Variants in WWTR1 observed in about 807,000 individuals in gnomAD.
The protein encoded by WWTR1 is WW domain containing transcription regulator 1.
Under a neutral mutation model 40.1 loss-of-function variants are expected in WWTR1, and 13 were observed. That is an observed-to-expected ratio of 0.32 (90% confidence interval 0.21 to 0.52). The LOEUF (loss-of-function observed/expected upper bound fraction) is 0.52. Ranked by LOEUF, WWTR1 falls within the 20% of genes least tolerant of loss-of-function variation. The pLI, the probability that WWTR1 is intolerant of heterozygous loss-of-function variation, is 0.97. For synonymous variants in WWTR1, 230 were observed against 210.1 expected, an observed-to-expected ratio of 1.09 and a Z score of -0.82; for missense variants, 436 against 523.1, an observed-to-expected ratio of 0.83 and a Z score of 1.63.
At chr3:149,613,746 C>T (rs1739842311) in intron 2 of WWTR1, among the ~76,000 whole-genome samples, 1 of 152,054 alleles carries the variant, frequency 6.6e-6, no homozygotes, top group Admixed American at 6.6e-5. Context: ...TGAGGTCTCA[C>T]TGTTGCCCAG....
At chr3:149,709,932 A>G (rs1715436350) in intron 5 of WWTR1, among the ~76,000 whole-genome samples, 1 of 152,196 alleles carries the variant, frequency 6.6e-6, no homozygotes, top group South Asian at 2.1e-4. Context: ...AAAAGAACTA[A>G]GGACAGTTGG....
upstream of WWTR1, among the ~76,000 whole-genome samples, chr3:149,704,720 A>G (rs1715284290): frequency 6.6e-6 from 1 of 152,196 alleles, no homozygotes; most frequent in South Asian, 2.1e-4. Flanking sequence ...TCTAAAGACA[A>G]AAGGTAACAA....
chr3:149,700,552 C>T (rs1299469269), intron 1 of WWTR1, among the ~76,000 whole-genome samples: 1 of 152,040 alleles, frequency 6.6e-6, no homozygotes, highest in Non-Finnish European at 1.5e-5. Flanking sequence ...TGAGTACATA[C>T]ACTAGCCTGC....
intron 5 of WWTR1, among the ~76,000 whole-genome samples, chr3:149,526,634 T>C (rs192382580): frequency 3.3e-5 from 5 of 152,332 alleles, no homozygotes; most frequent in African/African-American, 1.2e-4. Context: ...AATAAAACTA[T>C]GGCAAATCTG....
chr3:149,689,213 C>A (rs1056081290), intron 1 of WWTR1, among the ~76,000 whole-genome samples: 1 of 151,868 alleles, frequency 6.6e-6, no homozygotes, highest in African/African-American at 2.4e-5. Flanking sequence ...GAAACCCCAT[C>A]TCTCCAAAAC....
intron 3 of WWTR1, among the ~76,000 whole-genome samples, chr3:149,568,912 G>A (rs867385357): frequency 6.6e-6 from 1 of 152,106 alleles, no homozygotes; most frequent in Non-Finnish European, 1.5e-5. Context: ...GACTACAGGC[G>A]CCCGCCACCA....
intron 4 of WWTR1, among the ~76,000 whole-genome samples, chr3:149,529,100 T>C (rs553511671): frequency 6.6e-6 from 1 of 152,356 alleles, no homozygotes; most frequent in South Asian, 2.1e-4. Flanking sequence ...AGAATACTTT[T>C]GTATGTTTAC....
chr3:149,622,502 G>GAAGGAAGGAAGGAAGGAAGGAAGAAAGA (rs1553800283), intron 2 of WWTR1, among the ~76,000 whole-genome samples: 2 of 46,328 alleles, frequency 4.3e-5, no homozygotes, highest in Non-Finnish European at 8.6e-5. Context: ...AGGAAGGAAG[G>GAAGGAAGGAAGGAAGGAAGGAAGAAAGA]AAGAAAGAAA....
At chr3:149,681,941 A>G (rs1224865832) in intron 1 of WWTR1, among the ~76,000 whole-genome samples, 1 of 152,198 alleles carries the variant, frequency 6.6e-6, no homozygotes, top group East Asian at 1.9e-4. Context: ...TGTGAGATGA[A>G]TAAGTTCTAG....
intron 3 of WWTR1, among the ~76,000 whole-genome samples, chr3:149,550,691 T>G (rs541735952): frequency 9.1e-6 from 1 of 109,410 alleles, no homozygotes; most frequent in African/African-American, 3.8e-5. Flanking sequence ...AATGAGGGAC[T>G]GCTGTTCAAG....
At chr3:149,651,889 G>A (rs1194998730) in intron 2 of WWTR1, among the ~76,000 whole-genome samples, 3 of 149,406 alleles carry the variant, frequency 2.0e-5, no homozygotes, top group Non-Finnish European at 4.4e-5. Context: ...GAGTGCAGTG[G>A]CGCGATCTCG....
At chr3:149,692,774 C>T (rs1559842990) in intron 1 of WWTR1, among the ~76,000 whole-genome samples, 2 of 152,148 alleles carry the variant, frequency 1.3e-5, no homozygotes. Flanking sequence ...GCTGGGATTA[C>T]AGGTGCCGGC....
At chr3:149,676,136 A>G (rs1359599809) in intron 1 of WWTR1, among the ~76,000 whole-genome samples, 1 of 148,800 alleles carries the variant, frequency 6.7e-6, no homozygotes, top group Non-Finnish European at 1.5e-5. Context: ...CACCAGGGGG[A>G]AAAAATCACA....
chr3:149,584,743 C>T (rs1344817), intron 2 of WWTR1, among the ~76,000 whole-genome samples: 79,589 of 151,984 alleles, frequency 0.52, 21,648 homozygotes, highest in African/African-American at 0.66. Context: ...CAGAGTGGTA[C>T]AGTGGATTTG....
Position 149,545,414 on chromosome 3 carries a change from C to T in WWTR1, c.569-2877G>A, listed in dbSNP as rs149919374. 9.8e-5 allele frequency among the ~76,000 whole-genome samples: 15 copies of T among 152,292 alleles called. No homozygotes were observed. In the East Asian group the frequency reaches 2.5e-3, roughly 25 times the overall value. On this transcript the variant is annotated intron_variant, in intron 3 of 6. Transcript: ENST00000360632. Reference sequence around the variant, plus strand: ...GTAGTTATATTTAATATGGTAGTATCTGACACAACTACTAGAGACAAAAAA... The same window carrying T: ...GTAGTTATATTTAATATGGTAGTATTTGACACAACTACTAGAGACAAAAAA...
intron 3 of WWTR1, among the ~76,000 whole-genome samples, chr3:149,560,378 C>G (rs1437814777): frequency 6.6e-6 from 1 of 152,160 alleles, no homozygotes; most frequent in Non-Finnish European, 1.5e-5. Context: ...CAAGGGGCAG[C>G]CCTAGGCTGC....
chr3:149,682,167 G>A (rs1272397683), intron 1 of WWTR1, among the ~76,000 whole-genome samples: 1 of 152,146 alleles, frequency 6.6e-6, no homozygotes, highest in Non-Finnish European at 1.5e-5. Flanking sequence ...AGACCCCTGG[G>A]AGTCAGGTCT....
At chr3:149,586,199 C>T (rs1738413051) in intron 2 of WWTR1, among the ~76,000 whole-genome samples, 1 of 151,996 alleles carries the variant, frequency 6.6e-6, no homozygotes, top group African/African-American at 2.4e-5. Flanking sequence ...TTTTGATATA[C>T]CTTTAAACTT....
chr3:149,538,532 A>G (rs1735934538), intron 4 of WWTR1, among the ~76,000 whole-genome samples: 1 of 152,212 alleles, frequency 6.6e-6, no homozygotes, highest in Non-Finnish European at 1.5e-5. Context: ...AGATACAAGT[A>G]GCTCAGCTCT....
Sources: gnomAD v4.1 joint callset for allele counts (sites outside exome capture counted in the v4.1 genomes callset) on GRCh38, gnomAD v4.1.1 for gene constraint, MANE v1.5 for transcripts, NCBI Gene and HGNC (gene_info 2026-07-23, HGNC 2026-07-21) for gene names.